MYOM3: variants seen among roughly 807,000 people sequenced by gnomAD.
The protein encoded by MYOM3 is myomesin 3.
A neutral mutation model predicts 191.7 loss-of-function variants in MYOM3; 155 were observed. The ratio of observed to expected loss-of-function variants is 0.81; its 90% CI spans 0.71 to 0.92. The LOEUF (loss-of-function observed/expected upper bound fraction) is 0.92, where lower values mean the gene tolerates loss of function less well. Among genes scored for constraint, MYOM3 ranks in the 40% least tolerant of loss-of-function variants. The pLI is 0.00. For synonymous variants in MYOM3, 757 were observed against 762.9 expected, an observed-to-expected ratio of 0.99 and a Z score of 0.13; for missense variants, 1,889 against 1,890.6, an observed-to-expected ratio of 1.00 and a Z score of 0.02.
chr1:24,081,160 T>C (rs188842807), intron 19 of MYOM3, among the ~76,000 whole-genome samples, 170 bp downstream of exon 19: 9 of 152,304 alleles, frequency 5.9e-5, no homozygotes, highest in Non-Finnish European at 8.8e-5. Flanking sequence ...TAGGACTCCA[T>C]TTGTGTCAGG....
At chr1:24,070,237 A>C (rs938799445) in intron 25 of MYOM3, among the ~76,000 whole-genome samples, 7 of 152,210 alleles carry the variant, frequency 4.6e-5, no homozygotes, top group Admixed American at 3.3e-4. Context: ...GAAAAGCAAA[A>C]AAATCAGAAG....
intron 9 of MYOM3, among the ~76,000 whole-genome samples, chr1:24,093,781 A>ATACTCCCT (rs1643864306): frequency 6.6e-6 from 1 of 152,134 alleles, no homozygotes; most frequent in African/African-American, 2.4e-5. Context: ...TTGTTATTGC[A>ATACTCCCT]GCTGTCAGGG....
chr1:24,057,105 A>G lies in MYOM3; in HGVS notation c.*259T>C. The G allele has an allele frequency of 1.9e-6, 1 of 527,314 alleles. No individual in the cohort carries two copies. The highest frequency in any genetic ancestry group is 3.4e-6 in the Non-Finnish European group (1 of 294,668). The allele number at this position is 527,314 out of a possible 1,614,324, so 32.7% of individuals were successfully genotyped here. On this transcript the variant is annotated 3_prime_UTR_variant, in exon 37 of 37. Coordinates refer to ENST00000374434, the MANE Select transcript of MYOM3 (RefSeq NM_152372.4). Reference sequence around the variant, plus strand: ...ACCTATCAGATGCCAGTACTGTTAGATAGCCCCAGTGCATCCGGGTCTCCT... The same window carrying G: ...ACCTATCAGATGCCAGTACTGTTAGGTAGCCCCAGTGCATCCGGGTCTCCT...
At chr1:24,081,683 CT>C in intron 18 of MYOM3, 1 of 601,434 alleles carries the variant, frequency 1.7e-6, no homozygotes, top group East Asian at 2.9e-5. Context: ...CTGTGTTAGC[CT>C]CTCGAGTAGC....
At chr1:24,094,168 C>CTTT (rs746164315) in intron 9 of MYOM3, among the ~76,000 whole-genome samples, 3 of 126,304 alleles carry the variant, frequency 2.4e-5, no homozygotes, top group African/African-American at 9.2e-5. Context: ...CCCTCACTCA[C>CTTT]TTTTTTTTTT....
chr1:24,068,171 TGCGGGGCAGG>T (rs1369188147), intron 26 of MYOM3, 42 bp downstream of exon 26: 4 of 1,094,872 alleles, frequency 3.7e-6, no homozygotes, highest in South Asian at 1.2e-5. Context: ...AGGCCAGGTG[TGCGGGGCAGG>T]GCGGGGCAGG....
Position 24,090,120 on chromosome 1 carries a change from T to C in MYOM3, c.1433-2A>G. 2 of 1,613,414 alleles carry C rather than the reference T, an allele frequency of 1.2e-6. No homozygotes were observed. The highest frequency in any genetic ancestry group is 1.7e-6 in the Non-Finnish European group (2 of 1,179,436). ...TGTTTCCCAGATCAAAGGGGATCTC[T>C]AGGATGAGAAGGGAGCATGGGAGGG... On this transcript the variant is annotated splice_acceptor_variant, in intron 12 of 36. Transcript: ENST00000374434. LOFTEE classifies it high-confidence loss of function.
chr1:24,093,930 C>T (rs567707684), intron 9 of MYOM3, among the ~76,000 whole-genome samples: 4 of 152,238 alleles, frequency 2.6e-5, no homozygotes, highest in South Asian at 2.1e-4. Context: ...GTCCAGCCGT[C>T]GTCCTCCTCC....
chr1:24,082,896 G>T (rs546964700), intron 16 of MYOM3, 182 bp from the exon 17 acceptor site: 2 of 614,878 alleles, frequency 3.3e-6, no homozygotes, highest in Non-Finnish European at 5.1e-6. Flanking sequence ...CACCGTGGAG[G>T]GGGTAGACCT....
In MYOM3 at chr1:24,106,716, G is replaced by A. The variant is rs549590721; in HGVS notation, c.402+357C>T. On this transcript the variant is annotated intron_variant, in intron 4 of 36. Coordinates refer to ENST00000374434, the MANE Select transcript of MYOM3 (RefSeq NM_152372.4). ...TCCTGCCTCAGCCTCCCGAGTAGCT[G>A]GGATTACAGGCCCAGGTAATTTTTG... 7.4e-4 allele frequency among the ~76,000 whole-genome samples: 112 copies of A among 152,244 alleles called. 1 individual carries two copies. The highest frequency in any genetic ancestry group is 1.1e-3 in the Non-Finnish European group (77 of 68,014).
intron 29 of MYOM3, among the ~76,000 whole-genome samples, chr1:24,065,095 G>A (rs1463324638): frequency 1.3e-5 from 2 of 152,156 alleles, no homozygotes; most frequent in African/African-American, 4.8e-5. Context: ...TGCACCAATG[G>A]GACTGATGAT....
At chr1:24,064,004 C>A in intron 30 of MYOM3, 68 bp downstream of exon 30, 2 of 1,181,240 alleles carry the variant, frequency 1.7e-6, no homozygotes, top group Admixed American at 1.9e-5. Flanking sequence ...AATCTTACTG[C>A]ACAGATCACA....
Position 24,068,106 on chromosome 1 carries a change from G to A in MYOM3, c.3296-77C>T. 8.8e-6 allele frequency: 14 copies of A among 1,583,568 alleles called. 1 individual carries two copies. The South Asian group carries it at 1.5e-4, about 18-fold the overall frequency. On this transcript the variant is annotated intron_variant, in intron 26 of 36. Transcript: ENST00000374434. Reference sequence around the variant, plus strand: ...GAGAGGGGACATGGGGTGGACAGAAGTCGAGGGGGCTGTGCTCAGCAGGCT... The same window carrying A: ...GAGAGGGGACATGGGGTGGACAGAAATCGAGGGGGCTGTGCTCAGCAGGCT...
chr1:24,111,480 C>T lies in MYOM3; in HGVS notation c.-19+551G>A, dbSNP rs184695640. 8.5e-5 allele frequency among the ~76,000 whole-genome samples: 13 copies of T among 152,310 alleles called. No homozygotes were observed. Among genetic ancestry groups the T allele is most frequent in the African/African-American group, 1.2e-4 (5 of 41,572 alleles). On this transcript the variant is annotated intron_variant, in intron 1 of 36. Transcript: ENST00000374434. The surrounding 1 kb of genome is among the most constrained non-coding windows in gnomAD (Gnocchi z 4.7). ...GTGGCTCCACCAGCTTCCGCGAGGC[C>T]GAATCCTGCCCTTGCCAGTCATGAG...
chr1:24,081,374 G>C lies in MYOM3; in HGVS notation c.2363C>G (p.Pro788Arg), dbSNP rs1360951383. The change falls in exon 19 of 37, where the codon CCC becomes CGC. Residue 788 changes from proline (P) to arginine (R), a missense_variant. Coordinates refer to ENST00000374434, the MANE Select transcript of MYOM3 (RefSeq NM_152372.4). ...CTCTTTGCACTCAAACAGGCTGCTG[G>C]GTGCCGACAGCTCGCCAACACCTGC... ...NWAGVGELSA[P>R]SSLFECKEWT... 6.2e-7 allele frequency: 1 copy of C among 1,614,020 alleles called. No individual in the cohort carries two copies. The highest frequency in any genetic ancestry group is 8.5e-7 in the Non-Finnish European group (1 of 1,180,050).
At position 24,067,045 on chromosome 1, in the gene MYOM3, G is replaced by T. The variant is rs1254109917; in HGVS notation, c.3399C>A (p.Asp1133Glu). The change falls in exon 28 of 37, where the codon GAC (aspartate) becomes GAA (glutamate). Residue 1133 changes from aspartate (D) to glutamate (E), a missense_variant. Transcript: ENST00000374434. ...ERPLQWKVTE[D>E]CQVQLTCKVT... The stretch of plus-strand genomic sequence containing the variant: ...CCTTGCACGTCAGCTGCACTTGGCA[G>T]TCCTCCGTGACCTTCCACTGCAACG... 1 of 1,577,590 alleles carries T rather than the reference G, an allele frequency of 6.3e-7. No homozygotes were observed. Among genetic ancestry groups the T allele is most frequent in the Non-Finnish European group, 8.6e-7 (1 of 1,159,622 alleles).
At chr1:24,074,024 T>A (rs907592124) in intron 23 of MYOM3, 136 bp downstream of exon 23, 10 of 637,478 alleles carry the variant, frequency 1.6e-5, no homozygotes, top group African/African-American at 1.1e-4. Flanking sequence ...ATGGAAAGAA[T>A]GGGTGGGTGA....
intron 33 of MYOM3, 32 bp downstream of exon 33, chr1:24,061,914 G>C: frequency 6.2e-7 from 1 of 1,613,196 alleles, no homozygotes; most frequent in Non-Finnish European, 8.5e-7. Context: ...TTTCTAAGCA[G>C]GTTTCCCTGC....
chr1:24,091,443 C>T (rs749545229), intron 11 of MYOM3, among the ~76,000 whole-genome samples: 20 of 152,224 alleles, frequency 1.3e-4, no homozygotes, highest in Admixed American at 1.3e-4. Flanking sequence ...CCTGGGCTCT[C>T]TGTACCCTCT....
Sources: gnomAD v4.1 joint callset for allele counts (sites outside exome capture counted in the v4.1 genomes callset) on GRCh38, gnomAD v4.1.1 for gene constraint, Gnocchi (gnomAD v3.1) non-coding constraint, MANE v1.5 for transcripts, NCBI Gene and HGNC (gene_info 2026-07-23, HGNC 2026-07-21) for gene names.